The following ICA1L variants were observed in gnomAD, a reference collection of about 807,000 sequenced individuals.
The protein encoded by ICA1L is islet cell autoantigen 1-like protein.
A neutral mutation model predicts 61.3 loss-of-function variants in ICA1L; 50 were observed. That is an observed-to-expected ratio of 0.82 (90% CI 0.65 to 1.03). The LOEUF is 1.03. ICA1L is among the 50% of genes least tolerant of loss of function. ICA1L has a pLI of 0.00. For synonymous variants in ICA1L, 161 were observed against 191.3 expected (o/e 0.84, Z 1.31); for missense variants, 508 against 556.7 (o/e 0.91, Z 0.88).
intron 9 of ICA1L, among the ~76,000 whole-genome samples, chr2:202,809,512 G>A (rs1303476842): frequency 6.6e-6 from 1 of 152,064 alleles, no homozygotes; most frequent in Non-Finnish European, 1.5e-5. Context: ...ACCTGGCATG[G>A]TAGTGCATGC....
intron 9 of ICA1L, among the ~76,000 whole-genome samples, chr2:202,808,456 T>TTCC (rs2105840586): frequency 6.6e-6 from 1 of 152,272 alleles, no homozygotes; most frequent in South Asian, 2.1e-4. Flanking sequence ...ACCAAGTAGA[T>TTCC]TCCTAAGGTT....
chr2:202,835,702 C>T (rs1352970238), intron 1 of ICA1L, among the ~76,000 whole-genome samples: 2 of 151,728 alleles, frequency 1.3e-5, no homozygotes, highest in African/African-American at 4.8e-5. Flanking sequence ...TGTGCCACCA[C>T]ACCTGGCTAA....
chr2:202,803,912 G>A (rs1693157432), intron 9 of ICA1L, among the ~76,000 whole-genome samples: 1 of 152,058 alleles, frequency 6.6e-6, no homozygotes, highest in Non-Finnish European at 1.5e-5. Context: ...TTCTAAACTT[G>A]TATATACCCC....
chr2:202,780,679 A>G (rs998150381), intron 12 of ICA1L, among the ~76,000 whole-genome samples: 1 of 152,110 alleles, frequency 6.6e-6, no homozygotes, highest in African/African-American at 2.4e-5. Context: ...AACACCACAG[A>G]CCAGAGGGCT....
chr2:202,811,855 A>G (rs1693388879), intron 8 of ICA1L, 66 bp from the exon 9 acceptor site: 2 of 1,192,238 alleles, frequency 1.7e-6, no homozygotes, highest in East Asian at 2.3e-5. Context: ...ATATTCCCCA[A>G]ACAGTTTTAT....
At chr2:202,860,955 A>C (rs115827549) in intron 1 of ICA1L, among the ~76,000 whole-genome samples, 13,517 of 150,658 alleles carry the variant, frequency 0.09, 726 homozygotes, top group Non-Finnish European at 0.13. Context: ...GCAGGCCAGA[A>C]ACAGTGGCCC....
chr2:202,811,685 T>G (rs1574345443), intron 9 of ICA1L, 61 bp downstream of exon 9: 1 of 1,034,232 alleles, frequency 9.7e-7, no homozygotes, highest in Non-Finnish European at 1.5e-6. Flanking sequence ...AAAAAGGCTG[T>G]GATAAACTAT....
intron 1 of ICA1L, among the ~76,000 whole-genome samples, chr2:202,855,086 T>A (rs144149866): frequency 7.7e-4 from 118 of 152,268 alleles, no homozygotes; most frequent in African/African-American, 2.4e-3. Context: ...AATAAAGAAG[T>A]TCTTTGAAAC....
chr2:202,837,408 T>C (rs1003404430), intron 1 of ICA1L, among the ~76,000 whole-genome samples: 3 of 151,584 alleles, frequency 2.0e-5, no homozygotes, highest in Admixed American at 2.0e-4. Flanking sequence ...CTCAGCCTCC[T>C]GAGTAGCTGG....
At chr2:202,814,606 A>G (rs1335640207) in intron 8 of ICA1L, 96 bp downstream of exon 8, 2 of 790,600 alleles carry the variant, frequency 2.5e-6, no homozygotes, top group Non-Finnish European at 2.1e-6. Flanking sequence ...ATAGGAATAA[A>G]TATTCAGTAA....
At chr2:202,783,267 T>C (rs1307956602) in intron 12 of ICA1L, among the ~76,000 whole-genome samples, 1 of 152,216 alleles carries the variant, frequency 6.6e-6, no homozygotes, top group Non-Finnish European at 1.5e-5. Flanking sequence ...CCATTTGCAG[T>C]ATTTCAAAAC....
rs558556203 is a variant in ICA1L, at chr2:202,778,565, A to G, written c.*968T>C. On this transcript the variant is annotated 3_prime_UTR_variant, in exon 13 of 13. Transcript: ENST00000358299. The stretch of plus-strand genomic sequence containing the variant: ...TTATGTCACAAAATATGAGATAAGT[A>G]TGCAAATATATGTAAGGATAAGGTG... 1.3e-5 allele frequency: 2 copies of G among 152,362 alleles called. No homozygotes were observed. Among genetic ancestry groups the G allele is most frequent in the South Asian group, 4.1e-4 (2 of 4,828 alleles). 9.4% of individuals were successfully genotyped at this position (152,362 alleles called of 1,614,324 possible).
At position 202,773,837 on chromosome 2, in the gene ICA1L, G is replaced by A. The variant is rs1559121008; in HGVS notation, c.*5696C>T. 1.5e-5 allele frequency: 21 copies of A among 1,369,850 alleles called. No individual in the cohort carries two copies. Among genetic ancestry groups the A allele is most frequent in the Non-Finnish European group, 2.1e-5 (20 of 960,726 alleles). 84.9% of individuals were successfully genotyped at this position (1,369,850 alleles called of 1,614,324 possible). ...AGCAAAGGCTAGCTGTGCAAGTGCA[G>A]CCCTGTGGGAAGTTTTCTTCTACAG... On this transcript the variant is annotated 3_prime_UTR_variant, in exon 13 of 13. Coordinates refer to ENST00000358299, the MANE Select transcript of ICA1L (RefSeq NM_001288622.3).
chr2:202,868,836 C>T (rs763712098), intron 1 of ICA1L, among the ~76,000 whole-genome samples: 7 of 151,918 alleles, frequency 4.6e-5, no homozygotes, highest in Non-Finnish European at 1.0e-4. Context: ...GGCGTGATGG[C>T]ATGTGCTTGT....
At chr2:202,856,075 GAAAA>G (rs35022962) in intron 1 of ICA1L, among the ~76,000 whole-genome samples, 2 of 127,492 alleles carry the variant, frequency 1.6e-5, no homozygotes, top group South Asian at 2.5e-4. Context: ...TCCGTCTCAA[GAAAA>G]AAAAAAAAAA....
At chr2:202,818,447 T>A (rs182096374) in intron 5 of ICA1L, among the ~76,000 whole-genome samples, 6 of 152,190 alleles carry the variant, frequency 3.9e-5, no homozygotes, top group Non-Finnish European at 8.8e-5. Flanking sequence ...TACAACGTGG[T>A]TGTGGAGGGA....
chr2:202,783,245 A>G (rs1692468417), intron 12 of ICA1L, among the ~76,000 whole-genome samples: 1 of 152,254 alleles, frequency 6.6e-6, no homozygotes, highest in Non-Finnish European at 1.5e-5. Flanking sequence ...GCAAAACTTC[A>G]GTAGAAACAA....
chr2:202,862,138 T>A (rs1168365770), intron 1 of ICA1L, among the ~76,000 whole-genome samples: 1 of 150,910 alleles, frequency 6.6e-6, no homozygotes, highest in African/African-American at 2.4e-5. Flanking sequence ...ACAATATTAC[T>A]ACTTTAGAAA....
chr2:202,843,156 G>T (rs1694375671), intron 1 of ICA1L, among the ~76,000 whole-genome samples: 1 of 152,116 alleles, frequency 6.6e-6, no homozygotes, highest in Non-Finnish European at 1.5e-5. Flanking sequence ...TCAGCTACTG[G>T]GAGGTTATGT....
Sources: allele counts gnomAD v4.1 joint callset (sites outside exome capture counted in the v4.1 genomes callset), GRCh38; gene constraint gnomAD v4.1.1; transcripts MANE v1.5; gene names NCBI Gene and HGNC (gene_info 2026-07-23, HGNC 2026-07-21).